Variants in GRM1 observed in about 807,000 individuals in gnomAD.
The protein encoded by GRM1 is glutamate metabotropic receptor 1, also known as metabotropic glutamate receptor 1.
GRM1 carries 33 observed loss-of-function variants against 90.9 expected under a neutral mutation model. That is an observed-to-expected ratio of 0.36 (90% CI 0.28 to 0.49). The LOEUF (loss-of-function observed/expected upper bound fraction) is 0.49. Ranked by LOEUF, GRM1 falls within the 20% of genes least tolerant of loss-of-function variation. GRM1 has a pLI of 0.99. For missense variants in GRM1, 1,190 were observed against 1,534.3 expected (o/e 0.78, Z 3.75); for synonymous variants, 700 against 613.2 (o/e 1.14, Z -2.09).
intron 6 of GRM1, among the ~76,000 whole-genome samples, chr6:146,387,716 G>A (rs1776560455): frequency 1.3e-5 from 2 of 152,216 alleles, no homozygotes; most frequent in East Asian, 1.9e-4. Context: ...CAATGGTCCA[G>A]TAGGGTAGTG....
intron 2 of GRM1, among the ~76,000 whole-genome samples, chr6:146,281,976 G>A (rs558479009): frequency 5.9e-5 from 9 of 152,330 alleles, no homozygotes; most frequent in African/African-American, 2.2e-4. Flanking sequence ...TCCAGTGGAG[G>A]AGGTTGACAG....
At chr6:146,118,140 C>CTTTTTTT (rs67033918) in intron 1 of GRM1, among the ~76,000 whole-genome samples, 55 of 115,442 alleles carry the variant, frequency 4.8e-4, no homozygotes, top group South Asian at 1.1e-3. Flanking sequence ...TTCTTCTTTT[C>CTTTTTTT]TTTTTTTTTT....
In GRM1 at chr6:146,168,332, A is replaced by T. The variant is rs148844843; in HGVS notation, c.950+8735A>T. 9.3e-4 allele frequency among the ~76,000 whole-genome samples: 142 copies of T among 152,136 alleles called. 1 individual carries two copies. The highest frequency in any genetic ancestry group is 3.1e-3 in the African/African-American group (130 of 41,558). ...TTATTGCCCATGTCCCAAGAATATT[A>T]TACTGCATCACATATGATATAAGAA... is the stretch of plus-strand genomic sequence containing the variant. On this transcript the variant is annotated intron_variant, in intron 2 of 7. Coordinates refer to ENST00000282753, the MANE Select transcript of GRM1 (RefSeq NM_001278064.2).
intron 7 of GRM1, among the ~76,000 whole-genome samples, chr6:146,433,098 A>G (rs1020365093): frequency 6.6e-6 from 1 of 152,146 alleles, no homozygotes; most frequent in Non-Finnish European, 1.5e-5. Flanking sequence ...TCCTCATTCT[A>G]TTGCTTTTCA....
intron 1 of GRM1, among the ~76,000 whole-genome samples, chr6:146,107,190 AT>A (rs1367328808): frequency 1.3e-5 from 2 of 152,186 alleles, no homozygotes; most frequent in Admixed American, 6.5e-5. Context: ...CATTTAGCAC[AT>A]TCTTGAATTT....
chr6:146,083,307 T>C (rs756081722), intron 1 of GRM1, among the ~76,000 whole-genome samples: 13 of 152,222 alleles, frequency 8.5e-5, no homozygotes, highest in Admixed American at 6.5e-4. Flanking sequence ...CCTTGTCTTG[T>C]ACTGGTTTTC....
intron 2 of GRM1, among the ~76,000 whole-genome samples, chr6:146,297,651 G>T (rs1401190286): frequency 6.6e-6 from 1 of 152,074 alleles, no homozygotes; most frequent in Non-Finnish European, 1.5e-5. Context: ...GGTCTGTTAG[G>T]GGGGATTTGT....
At chr6:146,327,080 A>G (rs1311354832) in intron 3 of GRM1, among the ~76,000 whole-genome samples, 3 of 152,170 alleles carry the variant, frequency 2.0e-5, no homozygotes, top group Non-Finnish European at 2.9e-5. Flanking sequence ...ATTTATCACA[A>G]TCAGTGAACC....
chr6:146,204,345 A>T (rs1779422893), intron 2 of GRM1, among the ~76,000 whole-genome samples: 1 of 152,246 alleles, frequency 6.6e-6, no homozygotes, highest in South Asian at 2.1e-4. Context: ...CTGAACGTTT[A>T]CGGTTAGCAA....
intron 2 of GRM1, among the ~76,000 whole-genome samples, chr6:146,269,848 G>A (rs1157279243): frequency 6.6e-6 from 1 of 152,018 alleles, no homozygotes; most frequent in East Asian, 1.9e-4. Context: ...TTGTTTTAGA[G>A]GACAAAGTGT....
chr6:146,137,796 A>G (rs2128882473), intron 1 of GRM1, among the ~76,000 whole-genome samples: 1 of 151,950 alleles, frequency 6.6e-6, no homozygotes, highest in South Asian at 2.1e-4. Flanking sequence ...AACATATAAT[A>G]TTTTTCCATT....
Position 146,399,301 on chromosome 6 carries a change from G to A in GRM1, c.2262G>A (p.Val754=). The A allele has an allele frequency of 6.2e-7, 1 of 1,614,146 alleles. No individual in the cohort carries two copies. The highest frequency in any genetic ancestry group is 8.5e-7 in the Non-Finnish European group (1 of 1,180,026). The change falls in exon 7 of 8, where the codon GTG becomes GTA. Residue 754 remains valine, a synonymous_variant. Coordinates refer to ENST00000282753, the MANE Select transcript of GRM1 (RefSeq NM_001278064.2). The surrounding 1 kb of genome is among the most constrained non-coding windows in gnomAD (Gnocchi z 5.4). ...LICNTSNLGV[V]APLGYNGLLI... ...GCAATACCAGCAACCTGGGTGTGGT[G>A]GCCCCTTTGGGCTACAATGGACTCC...
At chr6:146,153,303 CT>C (rs1777406178) in intron 1 of GRM1, among the ~76,000 whole-genome samples, 1 of 152,120 alleles carries the variant, frequency 6.6e-6, no homozygotes, top group Non-Finnish European at 1.5e-5. Flanking sequence ...AGGTGGTTTC[CT>C]TTTCAGTTTG....
chr6:146,121,977 T>C (rs1207839886), intron 1 of GRM1, among the ~76,000 whole-genome samples: 1 of 152,182 alleles, frequency 6.6e-6, no homozygotes, highest in Non-Finnish European at 1.5e-5. Flanking sequence ...GTTCAATTCC[T>C]GGATATCCTT....
chr6:146,135,510 G>A lies in GRM1; in HGVS notation c.701-23838G>A, dbSNP rs147799348. On this transcript the variant is annotated intron_variant, in intron 1 of 7. Coordinates refer to ENST00000282753, the MANE Select transcript of GRM1 (RefSeq NM_001278064.2). Reference sequence around the variant, plus strand: ...TTACAGACACATAGTAAGAGATGTCGGAGGTTACTCAGTGTAACTCCTTCA... The same window carrying A: ...TTACAGACACATAGTAAGAGATGTCAGAGGTTACTCAGTGTAACTCCTTCA... Among the ~76,000 whole-genome samples the A allele has an allele frequency of 5.0e-4, 76 of 152,272 alleles. 1 individual carries two copies. In the South Asian group the frequency reaches 0.014, roughly 28 times the overall value.
chr6:146,404,754 G>A (rs1483755016), intron 7 of GRM1, among the ~76,000 whole-genome samples: 2 of 152,188 alleles, frequency 1.3e-5, no homozygotes, highest in Admixed American at 1.3e-4. Flanking sequence ...AATGGTTAAT[G>A]TACCAAGAGG....
intron 2 of GRM1, among the ~76,000 whole-genome samples, chr6:146,287,824 T>G (rs1782820865): frequency 6.6e-6 from 1 of 152,120 alleles, no homozygotes; most frequent in African/African-American, 2.4e-5. Flanking sequence ...AATTTGGAAA[T>G]GATGAGGGGG....
rs532825759 is a variant in GRM1 at position 146,193,761 on chromosome 6, G to T, written c.950+34164G>T. ...GTCTAGGTTGTTGCTTTTTACTTGC[G>T]CATTCTACTGTATTTTTAACTCCAT... On this transcript the variant is annotated intron_variant, in intron 2 of 7. Coordinates refer to ENST00000282753, the MANE Select transcript of GRM1 (RefSeq NM_001278064.2). 6.6e-5 allele frequency among the ~76,000 whole-genome samples: 10 copies of T among 151,700 alleles called. No individual in the cohort carries two copies. In the East Asian group the frequency reaches 1.7e-3, roughly 27 times the overall value.
intron 3 of GRM1, among the ~76,000 whole-genome samples, chr6:146,322,880 G>A (rs930337094): frequency 3.3e-5 from 5 of 151,912 alleles, no homozygotes; most frequent in Admixed American, 1.3e-4. Flanking sequence ...GCGATAGTTT[G>A]CTGAGAATGA....
Sources: gnomAD v4.1 joint callset for allele counts (sites outside exome capture counted in the v4.1 genomes callset) on GRCh38, gnomAD v4.1.1 for gene constraint, Gnocchi (gnomAD v3.1) non-coding constraint, MANE v1.5 for transcripts, NCBI Gene and HGNC (gene_info 2026-07-23, HGNC 2026-07-21) for gene names.